Variants in PALLD observed in about 807,000 individuals in gnomAD.
The protein encoded by PALLD is palladin.
In PALLD, 61 loss-of-function variants were observed where a neutral mutation model predicts 123.5. That is an observed-to-expected ratio of 0.49 (90% CI 0.40 to 0.61). The LOEUF is 0.61. Among genes scored for constraint, PALLD ranks in the 20% least tolerant of loss-of-function variants. The pLI, the probability that PALLD is intolerant of heterozygous loss-of-function variation, is 0.00. For synonymous variants in PALLD, 465 were observed against 496.4 expected, an observed-to-expected ratio of 0.94 and a Z score of 0.84; for missense variants, 1,273 against 1,377.0, an observed-to-expected ratio of 0.92 and a Z score of 1.20.
At chr4:168,685,383 T>C (rs1389182808) in intron 5 of PALLD, 102 bp from the exon 6 acceptor site, 3 of 798,818 alleles carry the variant, frequency 3.8e-6, no homozygotes, top group Non-Finnish European at 6.8e-6. Context: ...CATTCACTCA[T>C]TTCCTTCAAG....
intron 2 of PALLD, among the ~76,000 whole-genome samples, chr4:168,569,251 G>C (rs1768728321): frequency 6.6e-6 from 1 of 152,094 alleles, no homozygotes; most frequent in African/African-American, 2.4e-5. Flanking sequence ...ATAGCAACTG[G>C]AGCAAATATT....
At chr4:168,686,403 T>A (rs955613476) in intron 6 of PALLD, among the ~76,000 whole-genome samples, 1 of 151,954 alleles carries the variant, frequency 6.6e-6, no homozygotes, top group Non-Finnish European at 1.5e-5. Flanking sequence ...AGGCCCCAGG[T>A]GTGTGATGTT....
chr4:168,912,822 T>C (rs534773704), intron 15 of PALLD, among the ~76,000 whole-genome samples: 1 of 152,178 alleles, frequency 6.6e-6, no homozygotes, highest in Non-Finnish European at 1.5e-5. Context: ...TTTCCTCCTA[T>C]GTAGCTGTAA....
intron 2 of PALLD, among the ~76,000 whole-genome samples, chr4:168,631,177 T>G (rs572635646): frequency 7.9e-5 from 12 of 152,338 alleles, no homozygotes; most frequent in Non-Finnish European, 1.5e-4. Flanking sequence ...GAGGAGCAAT[T>G]TAACTCACAA....
intron 2 of PALLD, among the ~76,000 whole-genome samples, chr4:168,567,108 G>C (rs1202505350): frequency 2.0e-5 from 3 of 152,114 alleles, no homozygotes; most frequent in Admixed American, 6.5e-5. Flanking sequence ...AATTTTAGTA[G>C]CATCATGTGG....
chr4:168,579,559 G>A (rs1383838380), intron 2 of PALLD, among the ~76,000 whole-genome samples: 1 of 151,816 alleles, frequency 6.6e-6, no homozygotes, highest in African/African-American at 2.4e-5. Flanking sequence ...AGACGGAAAA[G>A]GTCTAGGTCA....
At chr4:168,877,879 G>T in intron 10 of PALLD, 1 of 1,430,506 alleles carries the variant, frequency 7.0e-7, no homozygotes, top group East Asian at 3.1e-5. Context: ...CGCCGCCCGC[G>T]TCCCCGGAGC....
rs1784465810 is a variant in PALLD at position 168,708,927 on chromosome 4, A to G, written c.1502-101A>G. On this transcript the variant is annotated intron_variant, in intron 8 of 21. Transcript: ENST00000505667. ...TTTGTAAAGTGAATCTGTAATAATC[A>G]TAACCTAATTTGTTTGTTGTGGAAA... 4.9e-6 allele frequency: 5 copies of G among 1,024,216 alleles called. No individual in the cohort carries two copies. The Admixed American group carries it at 6.8e-5, about 14-fold the overall frequency. 63.4% of individuals were successfully genotyped at this position (1,024,216 alleles called of 1,614,324 possible).
chr4:168,713,064 A>C (rs553764019), intron 10 of PALLD, among the ~76,000 whole-genome samples: 6 of 152,376 alleles, frequency 3.9e-5, no homozygotes, highest in Admixed American at 6.5e-5. Flanking sequence ...TAACAATTAT[A>C]TAAAACCAGA....
intron 10 of PALLD, among the ~76,000 whole-genome samples, chr4:168,851,836 T>C (rs1304450062): frequency 6.6e-6 from 1 of 152,220 alleles, no homozygotes; most frequent in African/African-American, 2.4e-5. Context: ...TAATCTAATG[T>C]TGAAGCAGTC....
intron 17 of PALLD, 88 bp downstream of exon 17, chr4:168,916,115 T>A: frequency 7.7e-7 from 1 of 1,306,416 alleles, no homozygotes; most frequent in Admixed American, 1.7e-5. Context: ...GGAAATTACA[T>A]AAAGTATAAA....
chr4:168,730,808 C>A (rs1393051674), intron 10 of PALLD, among the ~76,000 whole-genome samples: 2 of 152,124 alleles, frequency 1.3e-5, no homozygotes, highest in Non-Finnish European at 2.9e-5. Context: ...TGGCTTTTAT[C>A]ATTTAGTAGA....
At chr4:168,845,735 T>C (rs1008962879) in intron 10 of PALLD, among the ~76,000 whole-genome samples, 3 of 152,174 alleles carry the variant, frequency 2.0e-5, no homozygotes, top group African/African-American at 7.2e-5. Flanking sequence ...TAAAACCTCT[T>C]GTAAAAAGGA....
intron 2 of PALLD, among the ~76,000 whole-genome samples, chr4:168,643,973 A>T (rs1777198269): frequency 6.6e-6 from 1 of 152,080 alleles, no homozygotes; most frequent in African/African-American, 2.4e-5. Flanking sequence ...TCCGGAACTC[A>T]TGCTTCTTGG....
chr4:168,713,702 G>T (rs1311194907), intron 10 of PALLD, among the ~76,000 whole-genome samples: 1 of 151,808 alleles, frequency 6.6e-6, no homozygotes, highest in Non-Finnish European at 1.5e-5. Context: ...TTAAGCACAA[G>T]TTTAAAGAAC....
chr4:168,814,904 G>A (rs1301363503), intron 10 of PALLD, among the ~76,000 whole-genome samples: 1 of 152,142 alleles, frequency 6.6e-6, no homozygotes, highest in African/African-American at 2.4e-5. Flanking sequence ...CCAAGTAGCT[G>A]GGATTACAGT....
At position 168,927,905 on chromosome 4, in the gene PALLD, A is replaced by G. The variant is rs1762755972; in HGVS notation, c.*1725A>G. On this transcript the variant is annotated 3_prime_UTR_variant, in exon 22 of 22. Coordinates refer to ENST00000505667, the MANE Select transcript of PALLD (RefSeq NM_001166108.2). ...ACACTGTATTCCTTATGCAAAACACATGTATCTTTCATTATTTATAAGTGG... is the reference window on the plus strand; with the variant it reads ...ACACTGTATTCCTTATGCAAAACACGTGTATCTTTCATTATTTATAAGTGG... 4.9e-6 allele frequency: 1 copy of G among 203,182 alleles called. No individual in the cohort carries two copies. Among genetic ancestry groups the G allele is most frequent in the South Asian group, 1.9e-4 (1 of 5,294 alleles). The allele number at this position is 203,182 out of a possible 1,614,324, so 12.6% of individuals were successfully genotyped here.
chr4:168,875,571 T>C (rs1005916742), intron 10 of PALLD, among the ~76,000 whole-genome samples: 1 of 152,146 alleles, frequency 6.6e-6, no homozygotes, highest in Admixed American at 6.5e-5. Flanking sequence ...CACTTAAAAA[T>C]GGTGAAGTCA....
chr4:168,640,712 G>T (rs138158936), intron 2 of PALLD, among the ~76,000 whole-genome samples: 1 of 152,180 alleles, frequency 6.6e-6, no homozygotes, highest in African/African-American at 2.4e-5. Context: ...CTCCATTAGC[G>T]TAAGCTACAC....
Sources: gnomAD v4.1 joint callset for allele counts (sites outside exome capture counted in the v4.1 genomes callset) on GRCh38, gnomAD v4.1.1 for gene constraint, MANE v1.5 for transcripts, NCBI Gene and HGNC (gene_info 2026-07-23, HGNC 2026-07-21) for gene names.